CASZ1: variants seen among roughly 807,000 people sequenced by gnomAD.
The protein encoded by CASZ1 is castor zinc finger 1, also known as zinc finger protein castor homolog 1.
In CASZ1, 28 loss-of-function variants were observed where a neutral mutation model predicts 135.2. The ratio of observed to expected loss-of-function variants is 0.21; its 90% CI spans 0.15 to 0.28. CASZ1 has a LOEUF of 0.28. Among genes scored for constraint, CASZ1 ranks in the 10% least tolerant of loss-of-function variants. The probability of loss-of-function intolerance (pLI) is 1.00; values close to 1 mark genes in which losing one functional copy is unlikely to be tolerated. For missense variants in CASZ1, 2,161 were observed against 2,453.3 expected (o/e 0.88, Z 2.52); for synonymous variants, 1,068 against 1,073.4 (o/e 0.99, Z 0.10).
At chr1:10,688,326 C>T (rs1362273878) in intron 4 of CASZ1, among the ~76,000 whole-genome samples, 1 of 152,118 alleles carries the variant, frequency 6.6e-6, no homozygotes, top group African/African-American at 2.4e-5. Context: ...TTGCATGGGG[C>T]AAGAAAGGTA....
rs1291387154 is a variant in CASZ1, at chr1:10,755,855, C to T, written c.-77+4846G>A. Among the ~76,000 whole-genome samples the T allele has an allele frequency of 1.3e-5, 2 of 152,086 alleles. No homozygotes were observed. The highest frequency in any genetic ancestry group is 2.9e-5 in the Non-Finnish European group (2 of 68,000). Reference sequence around the variant, plus strand: ...GTGGGGAACCCTCCTGCTCCCACCCCTCTGCACCCCCCACCCCAGCTGCAG... The same window carrying T: ...GTGGGGAACCCTCCTGCTCCCACCCTTCTGCACCCCCCACCCCAGCTGCAG... On this transcript the variant is annotated intron_variant, in intron 2 of 20. Coordinates refer to ENST00000377022, the MANE Select transcript of CASZ1 (RefSeq NM_001079843.3). This position sits in a 1 kb window ranked among gnomAD's most constrained non-coding sequence, Gnocchi z 4.3.
At chr1:10,730,493 G>A (rs749796953) in intron 2 of CASZ1, among the ~76,000 whole-genome samples, 2 of 152,180 alleles carry the variant, frequency 1.3e-5, no homozygotes, top group Admixed American at 6.5e-5. Context: ...ACATGGACCC[G>A]TGTGACTGAG....
In CASZ1 at chr1:10,660,391, T is replaced by C. The variant is rs1642979214; in HGVS notation, c.651A>G (p.Ala217=). The change falls in exon 6 of 21, where the codon GCA becomes GCG. Residue 217 remains alanine (A), a synonymous_variant. Transcript: ENST00000377022. The part of the protein sequence containing the change: ...EKLHAGSTPE[A]ATSSMLPTSE... ...AGGTGGGCAGCATGGAGGAGGTGGC[T>C]GCCTCCGGGGTGGAGCCCGCGTGCA... is the stretch of plus-strand genomic sequence containing the variant. The C allele has an allele frequency of 6.2e-7, 1 of 1,614,054 alleles. No individual in the cohort carries two copies. The highest frequency in any genetic ancestry group is 1.7e-5 in the Admixed American group (1 of 60,004).
intron 4 of CASZ1, among the ~76,000 whole-genome samples, chr1:10,671,811 T>C (rs1314772646): frequency 6.6e-6 from 1 of 152,206 alleles, no homozygotes; most frequent in Non-Finnish European, 1.5e-5. Context: ...AAAGGCAGCA[T>C]CATCTAAATG....
intron 1 of CASZ1, among the ~76,000 whole-genome samples, chr1:10,782,489 TC>T (rs1640779718): frequency 6.6e-6 from 1 of 152,104 alleles, no homozygotes; most frequent in African/African-American, 2.4e-5. Flanking sequence ...CCAGACAAGG[TC>T]CCCACGGCAT....
In CASZ1 at chr1:10,717,694, C is replaced by T. The variant is rs1639419495; in HGVS notation, c.-76-12150G>A. 2.0e-5 allele frequency among the ~76,000 whole-genome samples: 3 copies of T among 152,098 alleles called. No individual in the cohort carries two copies. On this transcript the variant is annotated intron_variant, in intron 2 of 20. Coordinates refer to ENST00000377022, the MANE Select transcript of CASZ1 (RefSeq NM_001079843.3). This position sits in a 1 kb window ranked among gnomAD's most constrained non-coding sequence, Gnocchi z 4.6. ...AGGGGCGGAGGTAGAAAACCCTTGC[C>T]AATTCCCCCCCAACTGATGTCAGAG...
At chr1:10,714,479 C>T (rs374616278) in intron 2 of CASZ1, among the ~76,000 whole-genome samples, 2 of 152,216 alleles carry the variant, frequency 1.3e-5, no homozygotes, top group African/African-American at 4.8e-5. Context: ...AGCCTTCCAA[C>T]GACCGGCCCT....
intron 2 of CASZ1, among the ~76,000 whole-genome samples, chr1:10,728,260 G>A (rs1639633085): frequency 6.6e-6 from 1 of 152,186 alleles, no homozygotes; most frequent in African/African-American, 2.4e-5. Context: ...CTCTGGGTTT[G>A]GGCCCCTGGG....
At chr1:10,779,170 TC>T (rs1188823268) in intron 1 of CASZ1, among the ~76,000 whole-genome samples, 5 of 148,828 alleles carry the variant, frequency 3.4e-5, no homozygotes, top group Admixed American at 6.7e-5. Flanking sequence ...CCTTTCTGTC[TC>T]CCCCCCAGCC....
chr1:10,734,113 T>C (rs1310232189), intron 2 of CASZ1, among the ~76,000 whole-genome samples: 1 of 151,880 alleles, frequency 6.6e-6, no homozygotes, highest in Non-Finnish European at 1.5e-5. Context: ...ACAGCACACA[T>C]GGGTGGGAGG....
At chr1:10,722,998 C>T (rs574900265) in intron 2 of CASZ1, among the ~76,000 whole-genome samples, 2 of 152,260 alleles carry the variant, frequency 1.3e-5, no homozygotes, top group Non-Finnish European at 2.9e-5. Context: ...TGTCTGCGCT[C>T]ACCTGATGTG....
At chr1:10,715,639 AC>A (rs1639367898) in intron 2 of CASZ1, among the ~76,000 whole-genome samples, 5 of 95,188 alleles carry the variant, frequency 5.3e-5, no homozygotes, top group Admixed American at 1.1e-4. Flanking sequence ...CCCAATCCGC[AC>A]CCCACAGCAC....
chr1:10,767,952 G>C lies in CASZ1; in HGVS notation c.-233-7095C>G, dbSNP rs1479703071. 1.3e-5 allele frequency among the ~76,000 whole-genome samples: 2 copies of C among 152,130 alleles called. No individual in the cohort carries two copies. The highest frequency in any genetic ancestry group is 4.8e-5 in the African/African-American group (2 of 41,424). Reference sequence around the variant, plus strand: ...CACCCACCATTGCAAGGTCTTCCTGGAGCAGACCCCAGACCTGGGACCCCA... The same window carrying C: ...CACCCACCATTGCAAGGTCTTCCTGCAGCAGACCCCAGACCTGGGACCCCA... On this transcript the variant is annotated intron_variant, in intron 1 of 20. Transcript: ENST00000377022. This position sits in a 1 kb window ranked among gnomAD's most constrained non-coding sequence, Gnocchi z 4.2.
intron 1 of CASZ1, among the ~76,000 whole-genome samples, chr1:10,771,282 G>A (rs1247007219): frequency 1.3e-5 from 2 of 149,122 alleles, no homozygotes; most frequent in South Asian, 2.1e-4. Context: ...GGGGGCGGGG[G>A]TGGCGGCAGG....
chr1:10,686,496 C>G (rs576865042), intron 4 of CASZ1, among the ~76,000 whole-genome samples: 1 of 152,282 alleles, frequency 6.6e-6, no homozygotes, highest in African/African-American at 2.4e-5. Context: ...GGGCTGGGGA[C>G]AGTTCTAAGC....
At chr1:10,695,873 T>C (rs1190394995) in intron 3 of CASZ1, among the ~76,000 whole-genome samples, 1 of 152,018 alleles carries the variant, frequency 6.6e-6, no homozygotes, top group Non-Finnish European at 1.5e-5. Context: ...AGCAGGGCCT[T>C]GGGCAGCCTT....
intron 2 of CASZ1, among the ~76,000 whole-genome samples, chr1:10,750,792 A>G (rs1159126732): frequency 1.3e-5 from 2 of 152,142 alleles, no homozygotes; most frequent in African/African-American, 4.8e-5. Flanking sequence ...TCAGCTACTC[A>G]GGAGGCTGAA....
intron 15 of CASZ1, 180 bp from the exon 16 acceptor site, chr1:10,648,319 G>A (rs549290257): frequency 3.2e-5 from 17 of 532,396 alleles, no homozygotes; most frequent in Admixed American, 1.8e-4. Context: ...AAACTGCAGC[G>A]TCCCCTGGTT....
rs76143083 is a variant in CASZ1, at chr1:10,747,442, C to A, written c.-77+13259G>T. On this transcript the variant is annotated intron_variant, in intron 2 of 20. Transcript: ENST00000377022. The surrounding 1 kb of genome is among the most constrained non-coding windows in gnomAD (Gnocchi z 4.3). ...GGGTCTAACAGTGGCCAGGTCCCAG[C>A]GGCAGATGAAAGGCGTTCCACCCAG... Among the ~76,000 whole-genome samples the A allele has an allele frequency of 0.013, 2,031 of 152,260 alleles. 42 individuals carry two copies. Among genetic ancestry groups the A allele is most frequent in the African/African-American group, 0.041 (1,718 of 41,558 alleles).
Sources: gnomAD v4.1 joint callset for allele counts (sites outside exome capture counted in the v4.1 genomes callset) on GRCh38, gnomAD v4.1.1 for gene constraint, Gnocchi (gnomAD v3.1) non-coding constraint, MANE v1.5 for transcripts, NCBI Gene and HGNC (gene_info 2026-07-23, HGNC 2026-07-21) for gene names.